Variants in MARCHF3 observed in about 807,000 individuals in gnomAD.
The protein encoded by MARCHF3 is E3 ubiquitin-protein ligase MARCHF3.
A neutral mutation model predicts 24.2 loss-of-function variants in MARCHF3; 13 were observed. That is an observed-to-expected ratio of 0.54 (90% CI 0.35 to 0.85). The LOEUF (loss-of-function observed/expected upper bound fraction) is 0.85. Among genes scored for constraint, MARCHF3 ranks in the 40% least tolerant of loss-of-function variants. The pLI, the probability that MARCHF3 is intolerant of heterozygous loss-of-function variation, is 0.01. For synonymous variants in MARCHF3, 144 were observed against 137.3 expected, an observed-to-expected ratio of 1.05 and a Z score of -0.34; for missense variants, 276 against 325.0, an observed-to-expected ratio of 0.85 and a Z score of 1.16.
chr5:126,948,940 G>T (rs1476385621), intron 1 of MARCHF3, among the ~76,000 whole-genome samples: 2 of 152,200 alleles, frequency 1.3e-5, no homozygotes, highest in East Asian at 3.9e-4. Context: ...GCCTACAGTG[G>T]TGGAGGTGGG....
intron 1 of MARCHF3, among the ~76,000 whole-genome samples, chr5:126,950,772 T>C (rs1032542860): frequency 6.6e-6 from 1 of 152,238 alleles, no homozygotes. Flanking sequence ...AGATTTTCTA[T>C]AACTATCACC....
At chr5:126,920,731 G>C (rs909366180) in intron 1 of MARCHF3, among the ~76,000 whole-genome samples, 4 of 152,132 alleles carry the variant, frequency 2.6e-5, no homozygotes, top group Admixed American at 6.6e-5. Context: ...TCACACACTT[G>C]TAACCTAGAT....
At position 126,918,045 on chromosome 5, in the gene MARCHF3, G is replaced by T. The variant is rs200688581; in HGVS notation, c.127C>A (p.Gln43Lys). ...LVNGQPQYVMQVSAKDGQLLS... is the reference protein window; with the variant it reads ...LVNGQPQYVMKVSAKDGQLLS... ...AGCTGCCCGTCCTTGGCTGAAACTT[G>T]CATGACATACTGCGGCTGCCCATTC... The change falls in exon 2 of 5, where the codon CAA becomes AAA. Residue 43 changes from glutamine to lysine, a missense_variant. By Grantham distance (53) the Gln-to-Lys change is moderately conservative (BLOSUM62 1). Coordinates refer to ENST00000308660, the MANE Select transcript of MARCHF3 (RefSeq NM_178450.5). The T allele has an allele frequency of 4.6e-5, 74 of 1,614,050 alleles. No individual in the cohort carries two copies. The highest frequency in any genetic ancestry group is 5.6e-5 in the Non-Finnish European group (66 of 1,180,040).
chr5:126,930,521 C>T (rs1253232951), intron 1 of MARCHF3, among the ~76,000 whole-genome samples: 1 of 152,258 alleles, frequency 6.6e-6, no homozygotes, highest in African/African-American at 2.4e-5. Flanking sequence ...TGTAGACTGA[C>T]TACTCAAGGT....
rs149742694 is a variant in MARCHF3 at position 126,918,160 on chromosome 5, G to T, written c.12C>A (p.Ser4Arg). ...GGACTTCGGGCAGGTGACTGCAGCG[G>T]CTGGTTGTCATGGTAACAGACAGCA... Reference protein sequence around the residue: MTTSRCSHLPEVLP... With the variant: MTTRRCSHLPEVLP... The change falls in exon 2 of 5, where the codon AGC becomes AGA. Residue 4 changes from serine to arginine, a missense_variant. By Grantham distance (110) the Ser-to-Arg change is moderately radical (BLOSUM62 -1). Coordinates refer to ENST00000308660, the MANE Select transcript of MARCHF3 (RefSeq NM_178450.5). 2.5e-6 allele frequency: 4 copies of T among 1,613,086 alleles called. No individual in the cohort carries two copies. Among genetic ancestry groups the T allele is most frequent in the Non-Finnish European group, 3.4e-6 (4 of 1,179,760 alleles).
intron 1 of MARCHF3, among the ~76,000 whole-genome samples, chr5:127,005,345 A>G (rs1009292786): frequency 2.0e-5 from 3 of 152,038 alleles, no homozygotes; most frequent in African/African-American, 7.3e-5. Context: ...CATGTTGGCC[A>G]GGCTGGTCTT....
intron 1 of MARCHF3, among the ~76,000 whole-genome samples, chr5:126,961,567 T>C (rs1411557658): frequency 6.6e-6 from 1 of 152,188 alleles, no homozygotes; most frequent in African/African-American, 2.4e-5. Flanking sequence ...GTAACTACAG[T>C]ACTGAATTTA....
At position 127,006,999 on chromosome 5, in the gene MARCHF3, A is replaced by T. The variant is rs184081642; in HGVS notation, c.-57+23351T>A. The stretch of plus-strand genomic sequence containing the variant: ...GAGAAAACTACTTCTTTTTTTTTTT[A>T]AATTTTTCATAAAACATTTTCATAA... On this transcript the variant is annotated intron_variant, in intron 1 of 4. Transcript: ENST00000308660. 3.0e-3 allele frequency among the ~76,000 whole-genome samples: 457 copies of T among 151,218 alleles called. 5 individuals carry two copies. The highest frequency in any genetic ancestry group is 5.0e-3 in the African/African-American group (208 of 41,280).
intron 1 of MARCHF3, among the ~76,000 whole-genome samples, chr5:126,941,767 G>A (rs1749837788): frequency 6.6e-6 from 1 of 152,228 alleles, no homozygotes; most frequent in East Asian, 1.9e-4. Context: ...CAGGTACCCT[G>A]ACCCCATTGC....
chr5:126,999,676 T>C (rs1480078639), intron 1 of MARCHF3, among the ~76,000 whole-genome samples: 1 of 152,214 alleles, frequency 6.6e-6, no homozygotes, highest in African/African-American at 2.4e-5. Context: ...ATGCTATTTG[T>C]TACCAGATGG....
At chr5:126,975,230 C>T (rs1015803471) in intron 1 of MARCHF3, among the ~76,000 whole-genome samples, 12 of 152,334 alleles carry the variant, frequency 7.9e-5, no homozygotes, top group African/African-American at 2.6e-4. Flanking sequence ...GCTGGGATTA[C>T]AGGTGTGAGC....
intron 1 of MARCHF3, among the ~76,000 whole-genome samples, chr5:126,967,620 G>A (rs187286393): frequency 2.9e-4 from 44 of 152,264 alleles, no homozygotes; most frequent in Admixed American, 1.7e-3. Context: ...TTGAACCCAG[G>A]AGGCGGAGGT....
At chr5:126,894,838 T>G (rs1378411348) in intron 3 of MARCHF3, among the ~76,000 whole-genome samples, 1 of 151,902 alleles carries the variant, frequency 6.6e-6, no homozygotes, top group Non-Finnish European at 1.5e-5. Context: ...CTGTATTTCC[T>G]GAATCTGAAC....
chr5:126,937,583 G>A (rs552802039), intron 1 of MARCHF3, among the ~76,000 whole-genome samples: 2 of 152,210 alleles, frequency 1.3e-5, no homozygotes, highest in East Asian at 3.9e-4. Flanking sequence ...TTATAAATGA[G>A]GAAACTAAAA....
chr5:126,899,157 C>G (rs1232985778), intron 3 of MARCHF3: 1 of 985,118 alleles, frequency 1.0e-6, no homozygotes, highest in East Asian at 1.1e-4. Context: ...AGGAGGCGGG[C>G]AGTGGTGAGG....
intron 3 of MARCHF3, among the ~76,000 whole-genome samples, chr5:126,890,824 A>G (rs1339127799): frequency 6.8e-5 from 10 of 147,368 alleles, no homozygotes; most frequent in Non-Finnish European, 1.2e-4. Context: ...GGCTGGGTCA[A>G]ATGGTATTTC....
At chr5:126,909,131 C>G (rs545283471) in intron 3 of MARCHF3, among the ~76,000 whole-genome samples, 1 of 151,900 alleles carries the variant, frequency 6.6e-6, no homozygotes, top group Non-Finnish European at 1.5e-5. Flanking sequence ...TTAGGCTGCT[C>G]GGGGGTCAGG....
Position 126,925,910 on chromosome 5 carries a change from A to G in MARCHF3, c.-56-7683T>C, listed in dbSNP as rs183794737. Among the ~76,000 whole-genome samples, 167 of 152,354 alleles carry G rather than the reference A, an allele frequency of 1.1e-3. 5 individuals carry two copies. Among genetic ancestry groups the G allele is most frequent in the Admixed American group, 0.011 (163 of 15,300 alleles). On this transcript the variant is annotated intron_variant, in intron 1 of 4. Transcript: ENST00000308660. ...CTACCTGTCCAGCATGCATAAGGAA[A>G]GGCCTGAAGGGTACAGCATGCTGGT...
intron 3 of MARCHF3, among the ~76,000 whole-genome samples, chr5:126,898,300 TCTAAGGAAA>T (rs1429321425): frequency 1.3e-5 from 2 of 152,106 alleles, no homozygotes; most frequent in Non-Finnish European, 2.9e-5. Flanking sequence ...TATAGATTTC[TCTAAGGAAA>T]CCCTCCATCT....
Sources: gnomAD v4.1 joint callset for allele counts (sites outside exome capture counted in the v4.1 genomes callset) on GRCh38, gnomAD v4.1.1 for gene constraint, MANE v1.5 for transcripts, NCBI Gene and HGNC (gene_info 2026-07-23, HGNC 2026-07-21) for gene names.